CSF3R: variants seen among roughly 807,000 people sequenced by gnomAD.
CSF3R encodes granulocyte colony-stimulating factor receptor.
A neutral mutation model predicts 84.4 loss-of-function variants in CSF3R; 52 were observed. The ratio of observed to expected loss-of-function variants is 0.62; its 90% CI spans 0.49 to 0.78. The LOEUF (loss-of-function observed/expected upper bound fraction) is 0.78. Ranked by LOEUF, CSF3R falls within the 30% of genes least tolerant of loss-of-function variation. The probability of loss-of-function intolerance (pLI) is 0.00; values close to 1 mark genes in which losing one functional copy is unlikely to be tolerated. For missense variants in CSF3R, 890 were observed against 1,055.7 expected (o/e 0.84, Z 2.17); for synonymous variants, 384 against 429.1 (o/e 0.89, Z 1.30).
Position 36,467,068 on chromosome 1 carries a change from T to G in CSF3R, c.2040+162A>C, listed in dbSNP as rs1650370658. The G allele has an allele frequency of 8.2e-7, 1 of 1,224,984 alleles. No individual in the cohort carries two copies. Among genetic ancestry groups the G allele is most frequent in the African/African-American group, 1.5e-5 (1 of 66,874 alleles). 75.9% of individuals were successfully genotyped at this position (1,224,984 alleles called of 1,614,324 possible). A position where few individuals can be genotyped will look rare whatever the true frequency, so the allele number is the denominator to read the frequency against. ...CAGGGAGGTGACTGAGGCTTTGAGA[T>G]GGACAGAGGTGGGATTCAAAGTTGG... On this transcript the variant is annotated intron_variant, in intron 16 of 16. Coordinates refer to ENST00000373106, the MANE Select transcript of CSF3R (RefSeq NM_000760.4). This position sits in a 1 kb window ranked among gnomAD's most constrained non-coding sequence, Gnocchi z 4.1.
At position 36,467,483 on chromosome 1, in the gene CSF3R, T is replaced by C; in HGVS notation, c.1958+75A>G. The C allele has an allele frequency of 6.7e-7, 1 of 1,489,720 alleles. No homozygotes were observed. Among genetic ancestry groups the C allele is most frequent in the Non-Finnish European group, 9.4e-7 (1 of 1,069,282 alleles). The allele number at this position is 1,489,720 out of a possible 1,614,324, so 92.3% of individuals were successfully genotyped here. On this transcript the variant is annotated intron_variant, in intron 15 of 16. Transcript: ENST00000373106. The surrounding 1 kb of genome is among the most constrained non-coding windows in gnomAD (Gnocchi z 4.1). The stretch of plus-strand genomic sequence containing the variant: ...AAGTTTGGGAAGGCTGGAAGGGACT[T>C]AGATGGGCCCATCTGGACCTGAGGT...
rs552830835 is a variant in CSF3R at position 36,467,180 on chromosome 1, G to A, written c.2040+50C>T. 175 of 1,588,004 alleles carry A rather than the reference G, an allele frequency of 1.1e-4. 3 individuals carry two copies. The South Asian group carries it at 1.8e-3, about 17-fold the overall frequency. ...GCTTCAGAAGGTGTCCCTTCACTGA[G>A]CCTGGGCCGACATCCCCATCTCATT... On this transcript the variant is annotated intron_variant, in intron 16 of 16. Transcript: ENST00000373106. The surrounding 1 kb of genome is among the most constrained non-coding windows in gnomAD (Gnocchi z 4.1).
In CSF3R at chr1:36,472,078, C is replaced by A; in HGVS notation, c.1059G>T (p.Gln353His). The change falls in exon 9 of 17, where the codon CAG becomes CAT. Residue 353 changes from glutamine to histidine, a missense_variant. By Grantham distance (24) the Gln-to-His change is conservative. Coordinates refer to ENST00000373106, the MANE Select transcript of CSF3R (RefSeq NM_000760.4). The surrounding 1 kb of genome is among the most constrained non-coding windows in gnomAD (Gnocchi z 5.0). ...RQRQLDPRTVQLFWKPVPLEE... is the reference protein window; with the variant it reads ...RQRQLDPRTVHLFWKPVPLEE... ...CAGAGGGAGTCACCTTCCAGAACAGCTGCACTGTCCTGGGGTCCAGCTGCC... is the reference window on the plus strand; with the variant it reads ...CAGAGGGAGTCACCTTCCAGAACAGATGCACTGTCCTGGGGTCCAGCTGCC... The A allele has an allele frequency of 6.2e-7, 1 of 1,613,574 alleles. No homozygotes were observed. The highest frequency in any genetic ancestry group is 8.5e-7 in the Non-Finnish European group (1 of 1,180,004).
chr1:36,467,656 A>G lies in CSF3R; in HGVS notation c.1865-5T>C. The G allele has an allele frequency of 6.2e-7, 1 of 1,614,064 alleles. No individual in the cohort carries two copies. Among genetic ancestry groups the G allele is most frequent in the Non-Finnish European group, 8.5e-7 (1 of 1,179,898 alleles). Reference sequence around the variant, plus strand: ...TGATGTGTAGCTCCGACCCCTCTGCAGTGAGGGCAGGGCCGGAAGAAGTTA... The same window carrying G: ...TGATGTGTAGCTCCGACCCCTCTGCGGTGAGGGCAGGGCCGGAAGAAGTTA... On this transcript the variant is annotated splice_polypyrimidine_tract_variant and splice_region_variant and intron_variant, in intron 14 of 16. Transcript: ENST00000373106. The surrounding 1 kb of genome is among the most constrained non-coding windows in gnomAD (Gnocchi z 4.1).
Position 36,472,866 on chromosome 1 carries a change from C to T in CSF3R, c.674-180G>A, listed in dbSNP as rs1650865578. The T allele has an allele frequency of 1.3e-6, 1 of 755,774 alleles. No homozygotes were observed. The highest frequency in any genetic ancestry group is 1.8e-5 in the African/African-American group (1 of 56,572). 46.8% of individuals were successfully genotyped at this position (755,774 alleles called of 1,614,324 possible). ...TAGGTCTCTGTTTCCGCTCTTGCCCCAGGGCCTTTGCACTGGTTGTTACTT... is the reference window on the plus strand; with the variant it reads ...TAGGTCTCTGTTTCCGCTCTTGCCCTAGGGCCTTTGCACTGGTTGTTACTT... On this transcript the variant is annotated intron_variant, in intron 6 of 16. Coordinates refer to ENST00000373106, the MANE Select transcript of CSF3R (RefSeq NM_000760.4). This position sits in a 1 kb window ranked among gnomAD's most constrained non-coding sequence, Gnocchi z 5.0.
At chr1:36,475,188 G>A (rs1651046995) in intron 4 of CSF3R, among the ~76,000 whole-genome samples, 189 bp downstream of exon 4, 1 of 152,090 alleles carries the variant, frequency 6.6e-6, no homozygotes, top group African/African-American at 2.4e-5. Flanking sequence ...TGTATTTTTA[G>A]TAGAGGCGGG....
intron 1 of CSF3R, among the ~76,000 whole-genome samples, chr1:36,482,321 G>A (rs3918005): frequency 2.7e-3 from 408 of 151,646 alleles, no homozygotes; most frequent in Non-Finnish European, 4.8e-3. Flanking sequence ...GGGGGCACTC[G>A]GAGGCCTGGA....
rs1650381581 is a variant in CSF3R, at chr1:36,467,221, G to T, written c.2040+9C>A. 6.2e-7 allele frequency: 1 copy of T among 1,613,790 alleles called. No homozygotes were observed. The highest frequency in any genetic ancestry group is 1.1e-5 in the South Asian group (1 of 91,086). ...CCATCTCATTTCCCTCTCCCTCCTG[G>T]ATTCTCACCTCCTCCATGATTGTGG... On this transcript the variant is annotated intron_variant, in intron 16 of 16. Coordinates refer to ENST00000373106, the MANE Select transcript of CSF3R (RefSeq NM_000760.4). This position sits in a 1 kb window ranked among gnomAD's most constrained non-coding sequence, Gnocchi z 4.1.
Position 36,473,531 on chromosome 1 carries a change from G to C in CSF3R, c.577C>G (p.Leu193Val). 1 of 1,614,190 alleles carries C rather than the reference G, an allele frequency of 6.2e-7. No homozygotes were observed. The highest frequency in any genetic ancestry group is 1.3e-5 in the African/African-American group (1 of 75,066). The change falls in exon 6 of 17, where the codon CTG (leucine) becomes GTG (valine). Residue 193 changes from leucine (L) to valine (V), a missense_variant. Physicochemically the swap from Leu to Val is conservative, Grantham distance 32. Transcript: ENST00000373106. ...ATGCCCATATTCTGGTACAACAGCA[G>C]GTGTTTGCGTGGGATGCAGCAGTGG... ...QSHCCIPRKH[L>V]LLYQNMGIWV...
At position 36,467,990 on chromosome 1, in the gene CSF3R, C is replaced by T; in HGVS notation, c.1724-28G>A. ...GGGAGGGGTGTACGGTCAGCATAGG[C>T]CTGGATGGTAAAGCTGCCTCCGTGG... On this transcript the variant is annotated intron_variant, in intron 13 of 16. Coordinates refer to ENST00000373106, the MANE Select transcript of CSF3R (RefSeq NM_000760.4). The surrounding 1 kb of genome is among the most constrained non-coding windows in gnomAD (Gnocchi z 4.1). 5 of 1,614,190 alleles carry T rather than the reference C, an allele frequency of 3.1e-6. No homozygotes were observed. Among genetic ancestry groups the T allele is most frequent in the Non-Finnish European group, 4.2e-6 (5 of 1,180,042 alleles).
chr1:36,473,238 G>T, intron 6 of CSF3R, 197 bp downstream of exon 6: 1 of 628,804 alleles, frequency 1.6e-6, no homozygotes, highest in Non-Finnish European at 2.8e-6. Flanking sequence ...TTGCCTCTGT[G>T]TCTCTTCCTG....
chr1:36,467,442 T>C lies in CSF3R; in HGVS notation c.1958+116A>G, dbSNP rs1040606617. ...GAGAAGAAGCTGGGGGCTGGGACTCTCAGACATGGGCCCCAAAGTTTGGGA... is the reference window on the plus strand; with the variant it reads ...GAGAAGAAGCTGGGGGCTGGGACTCCCAGACATGGGCCCCAAAGTTTGGGA... On this transcript the variant is annotated intron_variant, in intron 15 of 16. Coordinates refer to ENST00000373106, the MANE Select transcript of CSF3R (RefSeq NM_000760.4). This position sits in a 1 kb window ranked among gnomAD's most constrained non-coding sequence, Gnocchi z 4.1. 2.1e-5 allele frequency: 30 copies of C among 1,412,494 alleles called. No homozygotes were observed. The highest frequency in any genetic ancestry group is 1.0e-6 in the Non-Finnish European group (1 of 998,168). 87.5% of individuals were successfully genotyped at this position (1,412,494 alleles called of 1,614,324 possible).
At position 36,466,994 on chromosome 1, in the gene CSF3R, C is replaced by T. The variant is rs115077942; in HGVS notation, c.2041-167G>A. ...TAGTATGTTCCTCACACATGCCTGA[C>T]ACATGCCATGCACCGTTCAGACTCA... On this transcript the variant is annotated intron_variant, in intron 16 of 16. Transcript: ENST00000373106. The surrounding 1 kb of genome is among the most constrained non-coding windows in gnomAD (Gnocchi z 4.6). 224 of 1,525,804 alleles carry T rather than the reference C, an allele frequency of 1.5e-4. No homozygotes were observed. The African/African-American group carries it at 2.9e-3, about 20-fold the overall frequency. 94.5% of individuals were successfully genotyped at this position (1,525,804 alleles called of 1,614,324 possible).
Position 36,467,391 on chromosome 1 carries a change from A to G in CSF3R, c.1959-80T>C, listed in dbSNP as rs1316017823. 6.7e-7 allele frequency: 1 copy of G among 1,487,044 alleles called. No homozygotes were observed. The highest frequency in any genetic ancestry group is 9.4e-7 in the Non-Finnish European group (1 of 1,065,282). The allele number at this position is 1,487,044 out of a possible 1,614,324, so 92.1% of individuals were successfully genotyped here. A position where few individuals can be genotyped will look rare whatever the true frequency, so the allele number is the denominator to read the frequency against. ...TTTTTGTCCCACCCACCCCACCTGAAGAGGTGCAGCTGCCCTTAGTGCAGA... is the reference window on the plus strand; with the variant it reads ...TTTTTGTCCCACCCACCCCACCTGAGGAGGTGCAGCTGCCCTTAGTGCAGA... On this transcript the variant is annotated intron_variant, in intron 15 of 16. Transcript: ENST00000373106. This position sits in a 1 kb window ranked among gnomAD's most constrained non-coding sequence, Gnocchi z 4.1.
In CSF3R at chr1:36,472,765, T is replaced by A; in HGVS notation, c.674-79A>T. The A allele has an allele frequency of 7.0e-7, 1 of 1,436,640 alleles. No individual in the cohort carries two copies. The highest frequency in any genetic ancestry group is 9.2e-7 in the Non-Finnish European group (1 of 1,084,582). The allele number at this position is 1,436,640 out of a possible 1,614,324, so 89.0% of individuals were successfully genotyped here. On this transcript the variant is annotated intron_variant, in intron 6 of 16. Coordinates refer to ENST00000373106, the MANE Select transcript of CSF3R (RefSeq NM_000760.4). The surrounding 1 kb of genome is among the most constrained non-coding windows in gnomAD (Gnocchi z 5.0). ...GCCTTAGCTCCCTCTTGTCTCCCTG[T>A]CTGTGGTTCACCATCTGTCCACGTT...
Position 36,472,954 on chromosome 1 carries a change from T to A in CSF3R, c.674-268A>T. On this transcript the variant is annotated intron_variant, in intron 6 of 16. Transcript: ENST00000373106. The surrounding 1 kb of genome is among the most constrained non-coding windows in gnomAD (Gnocchi z 5.0). ...TGCTCCCTCATTTCCTTCAAGGATC[T>A]GCTCAATTGTCACCCTCTTAGTGAG... is the stretch of plus-strand genomic sequence containing the variant. The A allele has an allele frequency of 2.0e-6, 1 of 506,366 alleles. No individual in the cohort carries two copies. The highest frequency in any genetic ancestry group is 3.5e-6 in the Non-Finnish European group (1 of 288,418). 31.4% of individuals were successfully genotyped at this position (506,366 alleles called of 1,614,324 possible). A position where few individuals can be genotyped will look rare whatever the true frequency, so the allele number is the denominator to read the frequency against.
chr1:36,467,436 G>A lies in CSF3R; in HGVS notation c.1958+122C>T. On this transcript the variant is annotated intron_variant, in intron 15 of 16. Transcript: ENST00000373106. The surrounding 1 kb of genome is among the most constrained non-coding windows in gnomAD (Gnocchi z 4.1). ...TGCAGAGAGAAGAAGCTGGGGGCTGGGACTCTCAGACATGGGCCCCAAAGT... is the reference window on the plus strand; with the variant it reads ...TGCAGAGAGAAGAAGCTGGGGGCTGAGACTCTCAGACATGGGCCCCAAAGT... 2.1e-6 allele frequency: 3 copies of A among 1,406,068 alleles called. No homozygotes were observed. In the Admixed American group the frequency reaches 5.0e-5, roughly 24 times the overall value. 87.1% of individuals were successfully genotyped at this position (1,406,068 alleles called of 1,614,324 possible).
At chr1:36,471,780 C>T (rs1650759115) in intron 9 of CSF3R, 134 bp from the exon 10 acceptor site, 10 of 875,938 alleles carry the variant, frequency 1.1e-5, no homozygotes, top group Non-Finnish European at 1.8e-5. Flanking sequence ...ACCCCCCTCC[C>T]CTTTTCCCTC....
Position 36,466,406 on chromosome 1 carries a change from AG to A in CSF3R, c.2461del (p.Leu821SerfsTer29). The A allele has an allele frequency of 6.2e-7, 1 of 1,613,548 alleles. No homozygotes were observed. Among genetic ancestry groups the A allele is most frequent in the Non-Finnish European group, 8.5e-7 (1 of 1,179,960 alleles). On this transcript the variant is annotated frameshift_variant, in exon 17 of 17. Coordinates refer to ENST00000373106, the MANE Select transcript of CSF3R (RefSeq NM_000760.4). LOFTEE classifies it high-confidence loss of function. This position sits in a 1 kb window ranked among gnomAD's most constrained non-coding sequence, Gnocchi z 4.6. ...CCCATGGACCCGGATCCCCTGCAGGAGGGGGAAGTTGAGCAGTGGCCCAAAG... is the reference window on the plus strand; with the variant it reads ...CCCATGGACCCGGATCCCCTGCAGGAGGGGAAGTTGAGCAGTGGCCCAAAG... ...CVFGPLLNFP[L>X]LQGIRVHGME...
Sources: gnomAD v4.1 joint callset for allele counts (sites outside exome capture counted in the v4.1 genomes callset) on GRCh38, gnomAD v4.1.1 for gene constraint, Gnocchi (gnomAD v3.1) non-coding constraint, MANE v1.5 for transcripts, NCBI Gene and HGNC (gene_info 2026-07-23, HGNC 2026-07-21) for gene names.